The following MEIS2 variants were observed in gnomAD, a reference collection of about 807,000 sequenced individuals.
The protein encoded by MEIS2 is homeobox protein Meis2.
MEIS2 carries 9 observed loss-of-function variants against 58.6 expected under a neutral mutation model. The ratio of observed to expected loss-of-function variants is 0.15; its 90% confidence interval spans 0.09 to 0.27. The LOEUF (loss-of-function observed/expected upper bound fraction) is 0.27. Among genes scored for constraint, MEIS2 ranks in the 10% least tolerant of loss-of-function variants. MEIS2 has a pLI of 1.00. For synonymous variants in MEIS2, 221 were observed against 228.4 expected, an observed-to-expected ratio of 0.97 and a Z score of 0.29; for missense variants, 427 against 635.0, an observed-to-expected ratio of 0.67 and a Z score of 3.52.
At position 37,083,850 on chromosome 15, in the gene MEIS2, G is replaced by A. The variant is rs763695217; in HGVS notation, c.675C>T (p.Thr225=). ...PSSWRDHDDA[T]STHSAGTPGP... ...CTGGGGTGCCTGCTGAGTGGGTTGA[G>A]GTTGCATCATCGTGGTCTCGCCAAG... The change falls in exon 7 of 12, where the codon ACC becomes ACT. Residue 225 remains threonine, a synonymous_variant. Coordinates refer to ENST00000561208, the MANE Select transcript of MEIS2 (RefSeq NM_170675.5). 6 of 1,613,880 alleles carry A rather than the reference G, an allele frequency of 3.7e-6. No individual in the cohort carries two copies. The highest frequency in any genetic ancestry group is 5.1e-6 in the Non-Finnish European group (6 of 1,179,952).
intron 8 of MEIS2, among the ~76,000 whole-genome samples, chr15:37,008,020 T>C (rs1029464536): frequency 2.6e-5 from 4 of 152,256 alleles, no homozygotes; most frequent in African/African-American, 9.6e-5. Context: ...GATACCTTTT[T>C]AAAAATGTTA....
intron 9 of MEIS2, among the ~76,000 whole-genome samples, chr15:36,944,553 G>A (rs981222121): frequency 6.6e-6 from 1 of 152,010 alleles, no homozygotes; most frequent in African/African-American, 2.4e-5. Context: ...GATTTTTCTG[G>A]CATAGGAAGT....
At chr15:36,901,143 C>T (rs901357147) in intron 9 of MEIS2, 2 of 152,256 alleles carry the variant, frequency 1.3e-5, no homozygotes, top group African/African-American at 4.8e-5. Flanking sequence ...GTAGGTAGCT[C>T]AGTGACCGGG....
chr15:36,999,643 C>T (rs2060650555), intron 8 of MEIS2, among the ~76,000 whole-genome samples: 1 of 152,138 alleles, frequency 6.6e-6, no homozygotes. Context: ...CTCCTTTTCC[C>T]TGTAACCATT....
intron 8 of MEIS2, among the ~76,000 whole-genome samples, chr15:36,988,826 G>C (rs896296932): frequency 1.4e-4 from 21 of 152,152 alleles, no homozygotes; most frequent in African/African-American, 4.6e-4. Flanking sequence ...AGCATTTTAA[G>C]AGGGTTAATT....
chr15:36,998,236 GTTTTTTTT>G (rs5811954), intron 8 of MEIS2, among the ~76,000 whole-genome samples: 45 of 66,772 alleles, frequency 6.7e-4, no homozygotes, highest in African/African-American at 1.3e-3. Flanking sequence ...AAAACACAAA[GTTTTTTTT>G]TTTTTTTTTT....
intron 9 of MEIS2, among the ~76,000 whole-genome samples, chr15:36,938,498 G>A (rs2141353786): frequency 6.6e-6 from 1 of 152,208 alleles, no homozygotes; most frequent in South Asian, 2.1e-4. Context: ...TGCTGAATTA[G>A]CCACCAAAAC....
intron 8 of MEIS2, among the ~76,000 whole-genome samples, chr15:36,966,811 C>T (rs903789994): frequency 6.6e-6 from 1 of 152,098 alleles, no homozygotes; most frequent in African/African-American, 2.4e-5. Context: ...GGATGCTGCT[C>T]TTTTATGTAG....
intron 9 of MEIS2, among the ~76,000 whole-genome samples, chr15:36,937,027 G>A (rs999343983): frequency 1.7e-4 from 26 of 152,178 alleles, no homozygotes; most frequent in African/African-American, 6.3e-4. Context: ...CACAAACGGT[G>A]AACAAGCAAC....
chr15:36,907,291 T>A (rs534675764), intron 9 of MEIS2, among the ~76,000 whole-genome samples: 1 of 152,274 alleles, frequency 6.6e-6, no homozygotes, highest in African/African-American at 2.4e-5. Context: ...TTTTTCTTTT[T>A]AAATGGGCTT....
intron 6 of MEIS2, among the ~76,000 whole-genome samples, chr15:37,092,043 T>C (rs1893586897): frequency 6.6e-6 from 1 of 152,192 alleles, no homozygotes; most frequent in East Asian, 1.9e-4. Context: ...AAATAAACTT[T>C]CCATAACCAC....
At chr15:37,019,898 G>GT (rs1196897526) in intron 8 of MEIS2, among the ~76,000 whole-genome samples, 1 of 152,090 alleles carries the variant, frequency 6.6e-6, no homozygotes, top group African/African-American at 2.4e-5. Context: ...TGCATACATA[G>GT]TAACACCAAA....
At chr15:36,921,898 C>T (rs2141298630) in intron 9 of MEIS2, among the ~76,000 whole-genome samples, 1 of 152,226 alleles carries the variant, frequency 6.6e-6, no homozygotes, top group East Asian at 1.9e-4. Flanking sequence ...CTTAGTTTGC[C>T]CTTACGTACG....
intron 8 of MEIS2, among the ~76,000 whole-genome samples, chr15:37,017,384 G>T (rs774599959): frequency 2.0e-5 from 3 of 152,076 alleles, no homozygotes; most frequent in Admixed American, 6.6e-5. Flanking sequence ...CAGAGGATCC[G>T]CTTGAGCCCA....
chr15:36,979,410 A>G (rs1595860071), intron 8 of MEIS2, among the ~76,000 whole-genome samples: 1 of 152,268 alleles, frequency 6.6e-6, no homozygotes, highest in East Asian at 1.9e-4. Flanking sequence ...TCTTCAGCAT[A>G]ATATGAAAGT....
intron 11 of MEIS2, among the ~76,000 whole-genome samples, chr15:36,893,976 AT>A (rs538065534): frequency 3.5e-4 from 54 of 152,240 alleles, no homozygotes; most frequent in Admixed American, 3.5e-3. Context: ...CAGACTCTGA[AT>A]TTTTTTCAGA....
intron 8 of MEIS2, among the ~76,000 whole-genome samples, chr15:36,987,232 A>G: frequency 6.6e-6 from 1 of 151,836 alleles, no homozygotes; most frequent in Non-Finnish European, 1.5e-5. Context: ...ACATGGCAAA[A>G]CCCTGTCTCT....
At chr15:37,086,743 G>A (rs1455857196) in intron 6 of MEIS2, among the ~76,000 whole-genome samples, 1 of 152,108 alleles carries the variant, frequency 6.6e-6, no homozygotes, top group Non-Finnish European at 1.5e-5. Flanking sequence ...ATCCCTCTGG[G>A]GTTTCAAGGC....
rs567448607 is a variant in MEIS2 at position 36,964,090 on chromosome 15, A to T, written c.901-13690T>A. Among the ~76,000 whole-genome samples the T allele has an allele frequency of 3.9e-5, 6 of 152,366 alleles. No individual in the cohort carries two copies. In the South Asian group the frequency reaches 1.2e-3, roughly 32 times the overall value. On this transcript the variant is annotated intron_variant, in intron 8 of 11. Coordinates refer to ENST00000561208, the MANE Select transcript of MEIS2 (RefSeq NM_170675.5). ...ATGAAGGGAATTTGCTGTTCGCTAA[A>T]GTGAGTCCTTTTGTAAGATAAATAA...
Sources: allele counts gnomAD v4.1 joint callset (sites outside exome capture counted in the v4.1 genomes callset), GRCh38; gene constraint gnomAD v4.1.1; transcripts MANE v1.5; gene names NCBI Gene and HGNC (gene_info 2026-07-23, HGNC 2026-07-21).